The following IGF2R variants were observed in gnomAD, a reference collection of about 807,000 sequenced individuals.
The protein encoded by IGF2R is cation-independent mannose-6-phosphate receptor.
Under a neutral mutation model 270.6 loss-of-function variants are expected in IGF2R, and 91 were observed. That is an observed-to-expected ratio of 0.34 (90% CI 0.28 to 0.40). The LOEUF (loss-of-function observed/expected upper bound fraction) is 0.40. IGF2R is among the 10% of genes least tolerant of loss of function. IGF2R has a pLI of 1.00. For missense variants in IGF2R, 2,805 were observed against 3,188.3 expected, an observed-to-expected ratio of 0.88 and a Z score of 2.90; for synonymous variants, 1,316 against 1,258.9, an observed-to-expected ratio of 1.05 and a Z score of -0.96.
chr6:160,090,139 C>T (rs1779187059), intron 44 of IGF2R, 36 bp downstream of exon 44: 4 of 1,409,330 alleles, frequency 2.8e-6, no homozygotes, highest in East Asian at 2.7e-5. Flanking sequence ...CCACATTTAA[C>T]TTCCTCCAAG....
intron 2 of IGF2R, among the ~76,000 whole-genome samples, chr6:159,997,901 A>G (rs914103151): frequency 7.2e-5 from 11 of 152,154 alleles, no homozygotes; most frequent in African/African-American, 2.7e-4. Context: ...TACGAAGATA[A>G]GGGAGTGCGA....
chr6:160,009,265 C>G (rs1045485934), intron 3 of IGF2R, 131 bp downstream of exon 3: 22 of 705,224 alleles, frequency 3.1e-5, no homozygotes, highest in Non-Finnish European at 3.6e-5. Flanking sequence ...AAAACCCTAC[C>G]AAATGACCAT....
chr6:159,976,006 G>C (rs1438333860), intron 1 of IGF2R, among the ~76,000 whole-genome samples: 2 of 151,776 alleles, frequency 1.3e-5, no homozygotes, highest in Non-Finnish European at 2.9e-5. Flanking sequence ...TTGCTTTGTG[G>C]AAGGAGCTAG....
At chr6:160,020,745 C>T (rs568784989) in intron 4 of IGF2R, among the ~76,000 whole-genome samples, 9 of 152,240 alleles carry the variant, frequency 5.9e-5, no homozygotes, top group South Asian at 2.1e-4. Context: ...CAGCCATATG[C>T]GGAAGAATGA....
intron 2 of IGF2R, among the ~76,000 whole-genome samples, chr6:159,991,610 T>TA (rs3835243): frequency 0.026 from 3,941 of 152,302 alleles, 104 homozygotes; most frequent in East Asian, 0.12. Context: ...GTCTCCTAGA[T>TA]GGCTCTCCCT....
intron 3 of IGF2R, 134 bp from the exon 4 acceptor site, chr6:160,010,553 A>C: frequency 3.4e-6 from 2 of 593,310 alleles, no homozygotes; most frequent in Non-Finnish European, 6.0e-6. Flanking sequence ...CCGTTTAACT[A>C]AAGCGGTTGC....
intron 6 of IGF2R, 58 bp from the exon 7 acceptor site, chr6:160,029,492 T>C: frequency 9.1e-7 from 1 of 1,094,094 alleles, no homozygotes; most frequent in Middle Eastern, 2.0e-4. Flanking sequence ...GGGCAACATA[T>C]GAATTTGGAT....
Position 160,032,694 on chromosome 6 carries a change from A to G in IGF2R, c.1026A>G (p.Thr342=). 1 of 1,614,062 alleles carries G rather than the reference A, an allele frequency of 6.2e-7. No homozygotes were observed. Among genetic ancestry groups the G allele is most frequent in the South Asian group, 1.1e-5 (1 of 91,066 alleles). Reference sequence around the variant, plus strand: ...AGCAGGATGTCTCCATAGACCTCACACCACTTGCCCAGAGCGGAGGTAAGC... The same window carrying G: ...AGCAGGATGTCTCCATAGACCTCACGCCACTTGCCCAGAGCGGAGGTAAGC... ...GEQQDVSIDL[T]PLAQSGGSSY... is the part of the protein sequence containing the mutation. The change falls in exon 8 of 48, where the codon ACA becomes ACG. Residue 342 remains threonine (T), a synonymous_variant. Transcript: ENST00000356956.
rs1399103403 is a variant in IGF2R at position 159,991,327 on chromosome 6, A to G, written c.289+4A>G. 2 of 1,606,910 alleles carry G rather than the reference A, an allele frequency of 1.2e-6. No homozygotes were observed. Among genetic ancestry groups the G allele is most frequent in the Admixed American group, 1.7e-5 (1 of 58,630 alleles). ...ACACGCACTTATCATTCAGTGGGTA[A>G]GTAGAACTACCTGAAATTACTGGAT... is the stretch of plus-strand genomic sequence containing the variant. On this transcript the variant is annotated splice_donor_region_variant and intron_variant, in intron 2 of 47. Transcript: ENST00000356956.
At chr6:160,081,668 G>A (rs1778985650) in intron 39 of IGF2R, among the ~76,000 whole-genome samples, 1 of 152,196 alleles carries the variant, frequency 6.6e-6, no homozygotes, top group African/African-American at 2.4e-5. Flanking sequence ...CCCTAGAGTG[G>A]CCATTTAAGA....
At chr6:159,970,655 A>G (rs768034182) in intron 1 of IGF2R, among the ~76,000 whole-genome samples, 3 of 152,208 alleles carry the variant, frequency 2.0e-5, no homozygotes, top group Non-Finnish European at 2.9e-5. Flanking sequence ...CCAGTTAGCT[A>G]CCCTAAGATA....
rs1237407234 is a variant in IGF2R, at chr6:160,073,867, C to T, written c.5058C>T (p.Thr1686=). The change falls in exon 35 of 48, where the codon ACC becomes ACT. Residue 1686 remains threonine, a synonymous_variant. Coordinates refer to ENST00000356956, the MANE Select transcript of IGF2R (RefSeq NM_000876.4). ...AGAGTGAGGATGATGCCTCCGATAC[C>T]AACCCTGATTTCTACATCAATATTT... is the stretch of plus-strand genomic sequence containing the variant. ...YDESEDDASD[T]NPDFYINICQ... 6.2e-7 allele frequency: 1 copy of T among 1,613,808 alleles called. No individual in the cohort carries two copies. The highest frequency in any genetic ancestry group is 8.5e-7 in the Non-Finnish European group (1 of 1,179,820).
chr6:160,047,159 T>C lies in IGF2R; in HGVS notation c.2052T>C (p.Ser684=), dbSNP rs767214007. ...PDSGACQVAK[S]DEKTWNLGLS... is the part of the protein sequence containing the mutation. ...TGAGAGAAACGTGTGTTTATTTCAG[T>C]GATGAGAAGACTTGGAACTTGGGTC... Residue 684 remains serine, a splice_region_variant and synonymous_variant, in exon 16 of 48, where the codon AGT becomes AGC. Coordinates refer to ENST00000356956, the MANE Select transcript of IGF2R (RefSeq NM_000876.4). The C allele has an allele frequency of 6.2e-7, 1 of 1,613,802 alleles. No individual in the cohort carries two copies. The highest frequency in any genetic ancestry group is 2.2e-5 in the East Asian group (1 of 44,902).
At chr6:160,042,713 C>T (rs1777972386) in intron 11 of IGF2R, among the ~76,000 whole-genome samples, 1 of 152,200 alleles carries the variant, frequency 6.6e-6, no homozygotes, top group African/African-American at 2.4e-5. Context: ...TTTCTTTTAG[C>T]TTCACAGGCC....
chr6:159,970,598 A>C (rs1783595096), intron 1 of IGF2R, among the ~76,000 whole-genome samples: 1 of 151,964 alleles, frequency 6.6e-6, no homozygotes, highest in Non-Finnish European at 1.5e-5. Flanking sequence ...CCTTTTTTGG[A>C]AGGGGAAGGG....
At chr6:159,999,546 G>A (rs1167143711) in intron 2 of IGF2R, among the ~76,000 whole-genome samples, 1 of 152,190 alleles carries the variant, frequency 6.6e-6, no homozygotes, top group Non-Finnish European at 1.5e-5. Flanking sequence ...AGATCTGAAT[G>A]TGTGGCTCTG....
At chr6:160,067,024 T>C (rs1321588458) in intron 29 of IGF2R, among the ~76,000 whole-genome samples, 1 of 152,206 alleles carries the variant, frequency 6.6e-6, no homozygotes, top group Non-Finnish European at 1.5e-5. Context: ...TCTTGAGATA[T>C]AAGTCCCACC....
At chr6:160,077,555 A>G (rs1298578099) in intron 36 of IGF2R, among the ~76,000 whole-genome samples, 1 of 152,244 alleles carries the variant, frequency 6.6e-6, no homozygotes, top group Non-Finnish European at 1.5e-5. Context: ...GATTTTAGAA[A>G]TGAAGCATCT....
chr6:159,994,281 C>T (rs1464260213), intron 2 of IGF2R, among the ~76,000 whole-genome samples: 3 of 151,800 alleles, frequency 2.0e-5, no homozygotes, highest in Non-Finnish European at 1.5e-5. Flanking sequence ...TTTTGTCTTT[C>T]CATAGTATCA....
Sources: gnomAD v4.1 joint callset for allele counts (sites outside exome capture counted in the v4.1 genomes callset) on GRCh38, gnomAD v4.1.1 for gene constraint, MANE v1.5 for transcripts, NCBI Gene and HGNC (gene_info 2026-07-23, HGNC 2026-07-21) for gene names.